The following GRIA4 variants were observed in gnomAD, a reference collection of about 807,000 sequenced individuals.
The protein encoded by GRIA4 is glutamate receptor 4.
GRIA4 carries 34 observed loss-of-function variants against 104.0 expected under a neutral mutation model. The observed-to-expected ratio is 0.33, with a 90% CI of 0.25 to 0.44. The LOEUF (loss-of-function observed/expected upper bound fraction) is 0.44. Ranked by LOEUF, GRIA4 falls within the 20% of genes least tolerant of loss-of-function variation. GRIA4 has a pLI of 1.00. For synonymous variants in GRIA4, 386 were observed against 381.9 expected (o/e 1.01, Z -0.13); for missense variants, 750 against 1,096.5 (o/e 0.68, Z 4.46).
chr11:105,930,248 C>T (rs543323303), intron 13 of GRIA4, among the ~76,000 whole-genome samples: 63 of 152,220 alleles, frequency 4.1e-4, no homozygotes, highest in Middle Eastern at 3.4e-3. Context: ...TCCAGTCCTA[C>T]GCCCCTTGAT....
At position 105,727,423 on chromosome 11, in the gene GRIA4, G is replaced by A. The variant is rs562379204; in HGVS notation, c.248-25558G>A. ...TCTGATTGGTGTACCTGAAAGTGAC[G>A]GGAGAATGGAACCAAGTTGGAAAAC... On this transcript the variant is annotated intron_variant, in intron 3 of 16. Transcript: ENST00000282499. 1.0e-3 allele frequency among the ~76,000 whole-genome samples: 152 copies of A among 152,176 alleles called. 1 individual carries two copies. Among genetic ancestry groups the A allele is most frequent in the Non-Finnish European group, 1.7e-3 (118 of 68,008 alleles).
chr11:105,922,051 A>T (rs529401506), intron 11 of GRIA4, among the ~76,000 whole-genome samples: 1 of 152,146 alleles, frequency 6.6e-6, no homozygotes, highest in Non-Finnish European at 1.5e-5. Context: ...GAAACAAAAC[A>T]ATTGATGATT....
At chr11:105,661,563 T>A (rs919636452) in intron 3 of GRIA4, among the ~76,000 whole-genome samples, 1 of 151,868 alleles carries the variant, frequency 6.6e-6, no homozygotes, top group Middle Eastern at 3.4e-3. Context: ...AAAGGCATCA[T>A]ATTACATAAG....
chr11:105,856,042 T>G (rs191825830), intron 4 of GRIA4, among the ~76,000 whole-genome samples: 5 of 152,260 alleles, frequency 3.3e-5, no homozygotes. Context: ...TCTCTATGAT[T>G]TATGTGTCAT....
intron 5 of GRIA4, 32 bp downstream of exon 5, chr11:105,862,240 A>G (rs201731989): frequency 8.0e-7 from 1 of 1,256,294 alleles, no homozygotes; most frequent in East Asian, 2.3e-5. Flanking sequence ...TTTAACCTAG[A>G]CCCTATACAG....
intron 14 of GRIA4, chr11:105,966,075 T>A: frequency 6.4e-7 from 1 of 1,554,084 alleles, no homozygotes; most frequent in South Asian, 1.1e-5. Context: ...AGCCTCAATG[T>A]CACCAAAAGC....
intron 3 of GRIA4, among the ~76,000 whole-genome samples, chr11:105,700,110 G>A (rs762790730): frequency 6.6e-6 from 1 of 152,164 alleles, no homozygotes; most frequent in Non-Finnish European, 1.5e-5. Context: ...TTTATTATAT[G>A]ACACTGGTAA....
chr11:105,812,353 T>C (rs999154758), intron 4 of GRIA4, among the ~76,000 whole-genome samples: 5 of 152,334 alleles, frequency 3.3e-5, no homozygotes, highest in Non-Finnish European at 2.9e-5. Context: ...TTGTGAATAG[T>C]TGGCAATGAA....
chr11:105,918,332 G>A (rs1388921401), intron 10 of GRIA4, among the ~76,000 whole-genome samples: 2 of 152,066 alleles, frequency 1.3e-5, no homozygotes, highest in African/African-American at 4.8e-5. Flanking sequence ...TTTATGAGGT[G>A]AAGCTGACTA....
At chr11:105,803,947 T>C (rs1168204076) in intron 4 of GRIA4, among the ~76,000 whole-genome samples, 1 of 151,566 alleles carries the variant, frequency 6.6e-6, no homozygotes, top group Non-Finnish European at 1.5e-5. Context: ...CATTTGACCT[T>C]TCTTAGATTT....
chr11:105,717,823 T>C (rs567917360), intron 3 of GRIA4, among the ~76,000 whole-genome samples: 1 of 151,218 alleles, frequency 6.6e-6, no homozygotes, highest in Non-Finnish European at 1.5e-5. Context: ...TAACTCGTCA[T>C]CTAGCATTAG....
intron 3 of GRIA4, among the ~76,000 whole-genome samples, chr11:105,648,994 T>C (rs991376851): frequency 2.0e-5 from 3 of 152,176 alleles, no homozygotes; most frequent in Admixed American, 2.0e-4. Context: ...GGTCCATTGC[T>C]CATCACCTTC....
chr11:105,882,557 A>G (rs1946104943), intron 5 of GRIA4, among the ~76,000 whole-genome samples: 1 of 152,164 alleles, frequency 6.6e-6, no homozygotes, highest in Admixed American at 6.5e-5. Context: ...TTCTTTATTC[A>G]TTCCTTGAAT....
chr11:105,757,580 A>G (rs1249656014), intron 4 of GRIA4, among the ~76,000 whole-genome samples: 1 of 152,132 alleles, frequency 6.6e-6, no homozygotes, highest in Non-Finnish European at 1.5e-5. Context: ...TTGAAGGGTT[A>G]AAGAGGCCTG....
At chr11:105,845,139 A>C (rs1196446438) in intron 4 of GRIA4, among the ~76,000 whole-genome samples, 1 of 152,150 alleles carries the variant, frequency 6.6e-6, no homozygotes, top group African/African-American at 2.4e-5. Context: ...TGTCTCATGA[A>C]ATTTCAGCCA....
chr11:105,844,176 G>T (rs1428320911), intron 4 of GRIA4, among the ~76,000 whole-genome samples: 1 of 152,116 alleles, frequency 6.6e-6, no homozygotes, highest in Admixed American at 6.5e-5. Flanking sequence ...GTTAAACATT[G>T]TTGAGCTAAA....
intron 14 of GRIA4, 149 bp downstream of exon 14, chr11:105,934,118 C>A: frequency 1.4e-6 from 1 of 720,510 alleles, no homozygotes; most frequent in Non-Finnish European, 2.2e-6. Context: ...TTTTGGTCAA[C>A]AATCAGGTAA....
Position 105,651,748 on chromosome 11 carries a change from A to G in GRIA4, c.247+39314A>G, listed in dbSNP as rs1241085029. ...CCATTACTTTGGCTCAATATATAGT[A>G]ACATTTGTAGTAGCCTATTGTCATT... On this transcript the variant is annotated intron_variant, in intron 3 of 16. Coordinates refer to ENST00000282499, the MANE Select transcript of GRIA4 (RefSeq NM_000829.4). Among the ~76,000 whole-genome samples, 3 of 151,958 alleles carry G rather than the reference A, an allele frequency of 2.0e-5. No individual in the cohort carries two copies. The East Asian group carries it at 5.8e-4, about 30-fold the overall frequency.
Position 105,653,079 on chromosome 11 carries a change from T to C in GRIA4, c.247+40645T>C, listed in dbSNP as rs1951729367. On this transcript the variant is annotated intron_variant, in intron 3 of 16. Coordinates refer to ENST00000282499, the MANE Select transcript of GRIA4 (RefSeq NM_000829.4). ...GGCACACGCCACCACACCCGACTAA[T>C]TTTTTGTATTTTTAGTAGAGACGGG... 2.0e-5 allele frequency among the ~76,000 whole-genome samples: 3 copies of C among 151,912 alleles called. No homozygotes were observed. The South Asian group carries it at 6.2e-4, about 32-fold the overall frequency.
Sources: gnomAD v4.1 joint callset for allele counts (sites outside exome capture counted in the v4.1 genomes callset) on GRCh38, gnomAD v4.1.1 for gene constraint, MANE v1.5 for transcripts, NCBI Gene and HGNC (gene_info 2026-07-23, HGNC 2026-07-21) for gene names.